The following KYNU variants were observed in gnomAD, a reference collection of about 807,000 sequenced individuals.
The protein encoded by KYNU is L-kynurenine hydrolase.
In KYNU, 54 loss-of-function variants were observed where a neutral mutation model predicts 59.2. The observed-to-expected ratio is 0.91, with a 90% CI of 0.73 to 1.14. The LOEUF (loss-of-function observed/expected upper bound fraction) is 1.14. KYNU is among the 50% of genes most tolerant of loss of function. The pLI, the probability that KYNU is intolerant of heterozygous loss-of-function variation, is 0.00. For synonymous variants in KYNU, 177 were observed against 192.0 expected (o/e 0.92, Z 0.65); for missense variants, 567 against 554.4 (o/e 1.02, Z -0.23).
intron 10 of KYNU, chr2:142,990,084 T>A (rs1685352735): frequency 6.6e-6 from 1 of 151,854 alleles, no homozygotes; most frequent in African/African-American, 2.4e-5. Context: ...ACTCAAGCTG[T>A]TATTCTCACC....
chr2:142,935,057 G>A (rs536078509), intron 4 of KYNU, among the ~76,000 whole-genome samples: 9 of 152,180 alleles, frequency 5.9e-5, no homozygotes, highest in Non-Finnish European at 1.2e-4. Context: ...TCCTCATCAC[G>A]ATTGTTAAAG....
At chr2:142,884,463 C>T (rs1003328724) in intron 1 of KYNU, among the ~76,000 whole-genome samples, 2 of 152,032 alleles carry the variant, frequency 1.3e-5, no homozygotes, top group Admixed American at 6.6e-5. Context: ...TGCTGCTTTT[C>T]GACACTTTGA....
chr2:142,937,967 G>T (rs1280999332), intron 4 of KYNU, among the ~76,000 whole-genome samples: 1 of 152,178 alleles, frequency 6.6e-6, no homozygotes, highest in African/African-American at 2.4e-5. Context: ...CATCATAAAT[G>T]TCCTTATTTG....
rs1037576436 is a variant in KYNU at position 143,051,507 on chromosome 2, A to T, written c.*9335A>T. The T allele has an allele frequency of 7.9e-5, 12 of 152,102 alleles. No homozygotes were observed. The highest frequency in any genetic ancestry group is 7.9e-4 in the Admixed American group (12 of 15,268). 9.4% of individuals were successfully genotyped at this position (152,102 alleles called of 1,614,324 possible). A position where few individuals can be genotyped will look rare whatever the true frequency, so the allele number is the denominator to read the frequency against. On this transcript the variant is annotated 3_prime_UTR_variant, in exon 14 of 14. Transcript: ENST00000264170. ...TTTCAATTTTGTCTGGGATAATAAGATGTTTTATTTAACTTGTTTGATTTT... is the reference window on the plus strand; with the variant it reads ...TTTCAATTTTGTCTGGGATAATAAGTTGTTTTATTTAACTTGTTTGATTTT...
At chr2:142,955,497 C>T (rs1341082053) in intron 5 of KYNU, among the ~76,000 whole-genome samples, 1 of 151,966 alleles carries the variant, frequency 6.6e-6, no homozygotes, top group East Asian at 1.9e-4. Flanking sequence ...GTTCAGATAT[C>T]CCTGGATTTG....
chr2:142,966,984 A>AG (rs1266106656), intron 8 of KYNU, among the ~76,000 whole-genome samples: 5 of 151,962 alleles, frequency 3.3e-5, no homozygotes, highest in Admixed American at 3.3e-4. Context: ...AATTAAAAAA[A>AG]AAAAGAAAAG....
chr2:142,944,594 G>A (rs535982021), intron 4 of KYNU, among the ~76,000 whole-genome samples: 80 of 152,076 alleles, frequency 5.3e-4, no homozygotes, highest in African/African-American at 1.9e-3. Flanking sequence ...AGCTCTTGAT[G>A]TTTCCACATT....
chr2:143,029,687 T>G lies in KYNU; in HGVS notation c.955+8T>G. 1 of 1,484,280 alleles carries G rather than the reference T, an allele frequency of 6.7e-7. No homozygotes were observed. The highest frequency in any genetic ancestry group is 9.4e-7 in the Non-Finnish European group (1 of 1,061,422). The allele number at this position is 1,484,280 out of a possible 1,614,324, so 91.9% of individuals were successfully genotyped here. A position where few individuals can be genotyped will look rare whatever the true frequency, so the allele number is the denominator to read the frequency against. ...GATTTAAGATGGATAACAGTAAGTG[T>G]ATTTATTTTACCTAATGCCATTTTT... On this transcript the variant is annotated splice_region_variant and intron_variant, in intron 11 of 13. Transcript: ENST00000264170.
chr2:142,999,844 G>T (rs1234227120), intron 10 of KYNU, among the ~76,000 whole-genome samples: 1 of 151,990 alleles, frequency 6.6e-6, no homozygotes, highest in African/African-American at 2.4e-5. Context: ...TCATCTTCTT[G>T]TTATAGTAAT....
At chr2:143,017,501 G>A (rs1284653550) in intron 10 of KYNU, among the ~76,000 whole-genome samples, 1 of 136,084 alleles carries the variant, frequency 7.3e-6, no homozygotes, top group Non-Finnish European at 1.5e-5. Flanking sequence ...GAGCGCAATG[G>A]TGCAATCTCA....
chr2:142,957,555 C>T, intron 6 of KYNU, 86 bp from the exon 7 acceptor site: 4 of 808,282 alleles, frequency 4.9e-6, no homozygotes, highest in South Asian at 2.9e-5. Flanking sequence ...AATAATATGC[C>T]CTTATTTTTA....
At chr2:143,032,255 G>T (rs1686769719) in intron 11 of KYNU, among the ~76,000 whole-genome samples, 1 of 150,568 alleles carries the variant, frequency 6.6e-6, no homozygotes, top group Non-Finnish European at 1.5e-5. Context: ...TCCAGCCTGG[G>T]CAACAGAGCG....
intron 3 of KYNU, among the ~76,000 whole-genome samples, chr2:142,927,248 A>G (rs906464664): frequency 2.6e-5 from 4 of 152,212 alleles, no homozygotes; most frequent in Non-Finnish European, 5.9e-5. Flanking sequence ...GATTATAGCT[A>G]TATTTCAATT....
chr2:143,032,711 T>TTGTCTGTGTGTGTG (rs145787098), intron 11 of KYNU, among the ~76,000 whole-genome samples: 2 of 129,370 alleles, frequency 1.5e-5, no homozygotes, highest in Non-Finnish European at 3.2e-5. Context: ...GCTCCCTCTA[T>TTGTCTGTGTGTGTG]TGTGTGTGTG....
rs1411210050 is a variant in KYNU at position 142,978,461 on chromosome 2, C to T, written c.730-6623C>T. On this transcript the variant is annotated intron_variant, in intron 8 of 13. Transcript: ENST00000264170. ...TCCCACAGTCACAAAGAAGGTCATA[C>T]TCCATGTTAATACCAGGTAGTATCC... is the stretch of plus-strand genomic sequence containing the variant. 5.3e-5 allele frequency among the ~76,000 whole-genome samples: 8 copies of T among 152,236 alleles called. No individual in the cohort carries two copies. The East Asian group carries it at 1.4e-3, about 26-fold the overall frequency.
At chr2:142,993,106 T>G (rs1685449551) in intron 10 of KYNU, among the ~76,000 whole-genome samples, 1 of 152,032 alleles carries the variant, frequency 6.6e-6, no homozygotes, top group Non-Finnish European at 1.5e-5. Flanking sequence ...CAATACTAAC[T>G]AAGTGAATAA....
rs1687342834 is a variant in KYNU, at chr2:143,055,685, AAG to A, written c.*13514_*13515del. On this transcript the variant is annotated 3_prime_UTR_variant, in exon 14 of 14. Transcript: ENST00000264170. ...AAGGAAGGAAGGAAGGAAGGAAGGAAAGGGAGGAGAGGAGAGGAGAGGTAGGA... is the reference window on the plus strand; with the variant it reads ...AAGGAAGGAAGGAAGGAAGGAAGGAAGGAGGAGAGGAGAGGAGAGGTAGGA... The A allele has an allele frequency of 6.7e-6, 1 of 150,282 alleles. No homozygotes were observed. The highest frequency in any genetic ancestry group is 2.5e-5 in the African/African-American group (1 of 40,814). 9.3% of individuals were successfully genotyped at this position (150,282 alleles called of 1,614,324 possible).
intron 10 of KYNU, among the ~76,000 whole-genome samples, chr2:142,992,533 A>G (rs1573879211): frequency 6.6e-6 from 1 of 151,850 alleles, no homozygotes; most frequent in African/African-American, 2.4e-5. Flanking sequence ...ACCTTCTGCC[A>G]TTGACTTTAA....
At chr2:142,880,524 T>C (rs993427498) in intron 1 of KYNU, among the ~76,000 whole-genome samples, 3 of 152,160 alleles carry the variant, frequency 2.0e-5, no homozygotes, top group African/African-American at 7.2e-5. Flanking sequence ...GAAAAATGAG[T>C]CATTCTATGA....
Sources: gnomAD v4.1 joint callset for allele counts (sites outside exome capture counted in the v4.1 genomes callset) on GRCh38, gnomAD v4.1.1 for gene constraint, MANE v1.5 for transcripts, NCBI Gene and HGNC (gene_info 2026-07-23, HGNC 2026-07-21) for gene names.